USPL1: variants seen among roughly 807,000 people sequenced by gnomAD.
The protein encoded by USPL1 is ubiquitin specific peptidase like 1.
A neutral mutation model predicts 51.5 loss-of-function variants in USPL1; 27 were observed. The ratio of observed to expected loss-of-function variants is 0.52; its 90% CI spans 0.39 to 0.72. The LOEUF is 0.72. Ranked by LOEUF, USPL1 falls within the 30% of genes least tolerant of loss-of-function variation. USPL1 has a pLI of 0.00. For synonymous variants in USPL1, 451 were observed against 459.6 expected (o/e 0.98, Z 0.24); for missense variants, 1,226 against 1,268.0 (o/e 0.97, Z 0.50).
In USPL1 at chr13:30,657,702, C is replaced by T. The variant is rs1391699264; in HGVS notation, c.1625C>T (p.Ala542Val). 1 of 1,614,162 alleles carries T rather than the reference C, an allele frequency of 6.2e-7. No individual in the cohort carries two copies. The highest frequency in any genetic ancestry group is 1.7e-5 in the Admixed American group (1 of 60,020). ...TGTTCTGTGGGTGATGCTGCCTCAG[C>T]TGAAACAGCCTCAGTAACTCACCCT... ...TSCSVGDAAS[A>V]ETASVTHPKD... Residue 542 changes from alanine to valine, a missense_variant, in exon 9 of 9, where the codon GCT (alanine) becomes GTT (valine). Ala to Val is a moderately conservative substitution (Grantham distance 64). Coordinates refer to ENST00000255304, the MANE Select transcript of USPL1 (RefSeq NM_005800.5).
intron 8 of USPL1, among the ~76,000 whole-genome samples, chr13:30,655,233 G>A (rs891975466): frequency 4.6e-5 from 7 of 152,110 alleles, no homozygotes; most frequent in Non-Finnish European, 1.0e-4. Context: ...CACCGCACCC[G>A]GCCATATCTT....
intron 6 of USPL1, among the ~76,000 whole-genome samples, chr13:30,646,476 G>A (rs577061168): frequency 6.6e-6 from 1 of 152,242 alleles, no homozygotes; most frequent in African/African-American, 2.4e-5. Flanking sequence ...ATTTGAGTAA[G>A]GGGTGAGCTC....
At chr13:30,626,792 C>T (rs1352800399) in intron 3 of USPL1, among the ~76,000 whole-genome samples, 3 of 146,928 alleles carry the variant, frequency 2.0e-5, no homozygotes, top group African/African-American at 7.5e-5. Flanking sequence ...GAAGTTTTAA[C>T]TTTTTTTTTT....
intron 4 of USPL1, 51 bp from the exon 5 acceptor site, chr13:30,637,693 G>A (rs1017393050): frequency 3.6e-6 from 5 of 1,403,946 alleles, no homozygotes; most frequent in African/African-American, 1.4e-5. Flanking sequence ...AGTTTTCTGT[G>A]GGAAGATATA....
chr13:30,659,245 G>C lies in USPL1; in HGVS notation c.3168G>C (p.Pro1056=). 3.1e-6 allele frequency: 5 copies of C among 1,614,070 alleles called. No homozygotes were observed. Among genetic ancestry groups the C allele is most frequent in the Non-Finnish European group, 4.2e-6 (5 of 1,180,014 alleles). ...ACVRTLNLES[P]MKTDIFDEFF... ...TTAGAACATTAAACTTGGAGAGTCC[G>C]ATGAAGACTGATATTTTCGATGAGT... is the stretch of plus-strand genomic sequence containing the variant. Residue 1056 remains proline (P), a synonymous_variant, in exon 9 of 9, where the codon CCG becomes CCC. Transcript: ENST00000255304.
At chr13:30,653,432 T>C (rs549640667) in intron 8 of USPL1, 127 bp downstream of exon 8, 1 of 976,266 alleles carries the variant, frequency 1.0e-6, no homozygotes, top group Non-Finnish European at 1.5e-6. Flanking sequence ...CTCTCCATTC[T>C]CGCCTTTGCC....
At chr13:30,642,488 T>C in intron 5 of USPL1, 140 bp from the exon 6 acceptor site, 1 of 975,196 alleles carries the variant, frequency 1.0e-6, no homozygotes, top group Non-Finnish European at 1.4e-6. Context: ...CTCTCCCAAC[T>C]CTGAGTGACT....
In USPL1 at chr13:30,639,222, GTATA is replaced by G. The variant is rs61182649; in HGVS notation, c.982+1385_982+1388del. On this transcript the variant is annotated intron_variant, in intron 5 of 8. Transcript: ENST00000255304. ...AGAGCGAGACTCCGTCTCAAAAAAT[GTATA>G]TATATATATATATATATATGTGTGT... is the stretch of plus-strand genomic sequence containing the variant. Among the ~76,000 whole-genome samples, 1,371 of 144,322 alleles carry G rather than the reference GTATA, an allele frequency of 9.5e-3. 12 individuals are homozygous for G. Among genetic ancestry groups the G allele is most frequent in the African/African-American group, 0.028 (1,122 of 39,450 alleles). The allele number at this position is 144,322 out of a possible 152,430, so 94.7% of individuals were successfully genotyped here. A position where few individuals can be genotyped will look rare whatever the true frequency, so the allele number is the denominator to read the frequency against.
At chr13:30,619,257 T>A (rs1182229470) in intron 1 of USPL1, among the ~76,000 whole-genome samples, 1 of 152,024 alleles carries the variant, frequency 6.6e-6, no homozygotes, top group Non-Finnish European at 1.5e-5. Flanking sequence ...ACCTCTGGTA[T>A]TTTTTTTATG....
Position 30,637,761 on chromosome 13 carries a change from C to G in USPL1, c.886C>G (p.Leu296Val), listed in dbSNP as rs1270844680. The G allele has an allele frequency of 6.2e-7, 1 of 1,611,298 alleles. No individual in the cohort carries two copies. Among genetic ancestry groups the G allele is most frequent in the Non-Finnish European group, 8.5e-7 (1 of 1,179,182 alleles). Residue 296 changes from leucine (L) to valine (V), a missense_variant, in exon 5 of 9, where the codon CTT becomes GTT. Transcript: ENST00000255304. Reference protein sequence around the residue: ...SGVKDGDCKKLTSEIFAEIET... With the variant: ...SGVKDGDCKKVTSEIFAEIET... The stretch of plus-strand genomic sequence containing the variant: ...TTTCTTAGATGGAGATTGTAAAAAA[C>G]TTACCTCAGAAATATTTGCAGAGAT...
rs756549356 is a variant in USPL1, at chr13:30,658,630, G to C, written c.2553G>C (p.Leu851Phe). The C allele has an allele frequency of 4.3e-6, 7 of 1,613,968 alleles. No individual in the cohort carries two copies. The highest frequency in any genetic ancestry group is 5.9e-6 in the Non-Finnish European group (7 of 1,180,042). The change falls in exon 9 of 9, where the codon TTG (leucine) becomes TTC (phenylalanine). Residue 851 changes from leucine to phenylalanine, a missense_variant. Transcript: ENST00000255304. ...ATGCTCATGCTGCTTCAGAAGTTTT[G>C]GAAAAGTCTGGAAGCACCTCATGTG... Reference protein sequence around the residue: ...HPHAHAASEVLEKSGSTSCGA... With the variant: ...HPHAHAASEVFEKSGSTSCGA...
intron 3 of USPL1, 57 bp from the exon 4 acceptor site, chr13:30,630,778 A>G: frequency 1.3e-6 from 2 of 1,482,734 alleles, no homozygotes; most frequent in Non-Finnish European, 1.8e-6. Flanking sequence ...TGAAAACTAT[A>G]AAACATGAAG....
At chr13:30,653,435 C>T in intron 8 of USPL1, 130 bp downstream of exon 8, 1 of 922,980 alleles carries the variant, frequency 1.1e-6, no homozygotes, top group Non-Finnish European at 1.6e-6. Context: ...TCCATTCTCG[C>T]CTTTGCCTTC....
chr13:30,624,991 C>T (rs1337677299), intron 3 of USPL1, among the ~76,000 whole-genome samples: 5 of 152,248 alleles, frequency 3.3e-5, no homozygotes, highest in Admixed American at 6.5e-5. Context: ...ATGTGTATTC[C>T]CATTGGAATA....
chr13:30,652,705 A>G (rs1951106070), intron 7 of USPL1, among the ~76,000 whole-genome samples: 1 of 152,104 alleles, frequency 6.6e-6, no homozygotes, highest in Non-Finnish European at 1.5e-5. Flanking sequence ...GCTTTTTTGA[A>G]TATCTTAGGT....
intron 7 of USPL1, among the ~76,000 whole-genome samples, chr13:30,648,411 G>T (rs1212406046): frequency 6.6e-6 from 1 of 152,006 alleles, no homozygotes; most frequent in African/African-American, 2.4e-5. Flanking sequence ...TCCTCTCTGG[G>T]CCTGCAGCAT....
chr13:30,624,707 A>C (rs1472777970), intron 3 of USPL1, among the ~76,000 whole-genome samples: 1 of 152,238 alleles, frequency 6.6e-6, no homozygotes, highest in Non-Finnish European at 1.5e-5. Context: ...ATATCTCAAA[A>C]GACTCTGCAA....
rs1005295534 is a variant in USPL1 at position 30,657,789 on chromosome 13, A to G, written c.1712A>G (p.His571Arg). The change falls in exon 9 of 9, where the codon CAT becomes CGT. Residue 571 changes from histidine (H) to arginine (R), a missense_variant. By Grantham distance (29) the His-to-Arg change is conservative. Coordinates refer to ENST00000255304, the MANE Select transcript of USPL1 (RefSeq NM_005800.5). ...SQDTAVTHGD[H>R]LLSGPKGLVD... The stretch of plus-strand genomic sequence containing the variant: ...GACACAGCTGTAACTCATGGAGATC[A>G]TTTACTTTCAGGTCCAAAAGGTTTG... 4.3e-6 allele frequency: 7 copies of G among 1,613,964 alleles called. No individual in the cohort carries two copies. Among genetic ancestry groups the G allele is most frequent in the Middle Eastern group, 1.6e-4 (1 of 6,084 alleles).
Position 30,637,751 on chromosome 13 carries a change from T to C in USPL1, c.876T>C (p.Asp292=), listed in dbSNP as rs1593374986. 3 of 1,609,216 alleles carry C rather than the reference T, an allele frequency of 1.9e-6. No homozygotes were observed. The highest frequency in any genetic ancestry group is 8.5e-7 in the Non-Finnish European group (1 of 1,177,942). Residue 292 remains aspartate (D), a synonymous_variant, in exon 5 of 9, where the codon GAT becomes GAC. Transcript: ENST00000255304. ...TTCTCTGTATTTTCTTAGATGGAGA[T>C]TGTAAAAAACTTACCTCAGAAATAT... ...TSQLSGVKDG[D]CKKLTSEIFA...
Sources: gnomAD v4.1 joint callset for allele counts (sites outside exome capture counted in the v4.1 genomes callset) on GRCh38, gnomAD v4.1.1 for gene constraint, MANE v1.5 for transcripts, NCBI Gene and HGNC (gene_info 2026-07-23, HGNC 2026-07-21) for gene names.